CSMD1: variants seen among roughly 807,000 people sequenced by gnomAD.
The protein encoded by CSMD1 is CUB and Sushi multiple domains 1, also known as CUB and sushi domain-containing protein 1.
Under a neutral mutation model 417.5 loss-of-function variants are expected in CSMD1, and 213 were observed. The ratio of observed to expected loss-of-function variants is 0.51; its 90% CI spans 0.46 to 0.57. The LOEUF (loss-of-function observed/expected upper bound fraction) is 0.57. Ranked by LOEUF, CSMD1 falls within the 20% of genes least tolerant of loss-of-function variation. CSMD1 has a pLI of 0.00. For missense variants in CSMD1, 6,923 were observed against 4,529.7 expected (o/e 1.53, Z -15.17); for synonymous variants, 2,862 against 1,736.8 (o/e 1.65, Z -16.11).
At chr8:4,728,805 C>G (rs997510334) in intron 1 of CSMD1, among the ~76,000 whole-genome samples, 1 of 151,526 alleles carries the variant, frequency 6.6e-6, no homozygotes, top group Admixed American at 6.6e-5. Context: ...AAAACTCAAA[C>G]TCCTTTAGTT....
chr8:4,711,967 T>C (rs1808329586), intron 1 of CSMD1, among the ~76,000 whole-genome samples: 1 of 152,150 alleles, frequency 6.6e-6, no homozygotes, highest in Non-Finnish European at 1.5e-5. Flanking sequence ...GCGGTACAGT[T>C]TTAAACTCAA....
intron 34 of CSMD1, among the ~76,000 whole-genome samples, chr8:3,189,461 C>T (rs1391877573): frequency 5.3e-5 from 8 of 152,174 alleles, no homozygotes; most frequent in Admixed American, 3.3e-4. Flanking sequence ...ATCATGATTG[C>T]GCTGGAGCTT....
chr8:3,862,595 G>A (rs1005503925), intron 5 of CSMD1, among the ~76,000 whole-genome samples: 1 of 152,130 alleles, frequency 6.6e-6, no homozygotes, highest in African/African-American at 2.4e-5. Flanking sequence ...GCTAGAATTT[G>A]CTTATACATG....
At chr8:3,685,322 A>G (rs181298694) in intron 7 of CSMD1, among the ~76,000 whole-genome samples, 108 of 152,248 alleles carry the variant, frequency 7.1e-4, no homozygotes, top group African/African-American at 1.6e-3. Context: ...TTCCCCCTGT[A>G]AAAATTTTTT....
At chr8:3,458,174 A>G (rs1304540249) in intron 12 of CSMD1, among the ~76,000 whole-genome samples, 2 of 152,194 alleles carry the variant, frequency 1.3e-5, no homozygotes, top group Middle Eastern at 3.2e-3. Context: ...CTGTGAGGAT[A>G]CATGTTGGGA....
At chr8:4,359,248 C>A (rs1452081900) in intron 3 of CSMD1, among the ~76,000 whole-genome samples, 1 of 152,114 alleles carries the variant, frequency 6.6e-6, no homozygotes, top group Non-Finnish European at 1.5e-5. Flanking sequence ...TCTGAGATTA[C>A]TTCACTCTTC....
chr8:2,984,226 T>C (rs146789962), intron 54 of CSMD1, among the ~76,000 whole-genome samples: 1,623 of 152,310 alleles, frequency 0.011, 17 homozygotes, highest in Middle Eastern at 0.027. Flanking sequence ...TGTCAAATTC[T>C]GCTCACTGGG....
chr8:3,723,539 G>T (rs1022214286), intron 6 of CSMD1, among the ~76,000 whole-genome samples: 1 of 152,150 alleles, frequency 6.6e-6, no homozygotes, highest in Non-Finnish European at 1.5e-5. Context: ...ACTTAAAAAT[G>T]AACAGTCAGC....
At chr8:4,503,185 C>A (rs898650684) in intron 2 of CSMD1, among the ~76,000 whole-genome samples, 1 of 152,164 alleles carries the variant, frequency 6.6e-6, no homozygotes, top group Non-Finnish European at 1.5e-5. Context: ...TATCATCCGT[C>A]TAAGCCAGGT....
intron 26 of CSMD1, among the ~76,000 whole-genome samples, chr8:3,282,354 T>C (rs2216776): frequency 0.75 from 114,019 of 151,718 alleles, 43,224 homozygotes; most frequent in Admixed American, 0.84. Flanking sequence ...TTACTGCCAG[T>C]GCAAAACTAC....
At chr8:2,970,866 T>C (rs1266669391) in intron 57 of CSMD1, among the ~76,000 whole-genome samples, 2 of 152,256 alleles carry the variant, frequency 1.3e-5, no homozygotes, top group Non-Finnish European at 2.9e-5. Flanking sequence ...CAACATTTTT[T>C]GTAACTCCAC....
intron 1 of CSMD1, among the ~76,000 whole-genome samples, chr8:4,962,118 T>G (rs1404151036): frequency 1.3e-5 from 2 of 151,770 alleles, no homozygotes; most frequent in Non-Finnish European, 2.9e-5. Context: ...TTTGTTGTTT[T>G]TTTTTTGTAT....
chr8:3,646,235 A>G (rs1330334632), intron 7 of CSMD1, among the ~76,000 whole-genome samples: 3 of 152,184 alleles, frequency 2.0e-5, no homozygotes, highest in Admixed American at 1.3e-4. Flanking sequence ...ACATGTACAT[A>G]GAAAAAGAAA....
chr8:4,926,618 T>G (rs1806890133), intron 1 of CSMD1, among the ~76,000 whole-genome samples: 1 of 152,232 alleles, frequency 6.6e-6, no homozygotes, highest in African/African-American at 2.4e-5. Context: ...AAAAAGCATG[T>G]ATATAGTTCC....
intron 3 of CSMD1, among the ~76,000 whole-genome samples, chr8:4,206,440 GT>G (rs1799986791): frequency 6.6e-6 from 1 of 152,074 alleles, no homozygotes; most frequent in African/African-American, 2.4e-5. Context: ...GCGGTGTTTG[GT>G]TTTCTGTCCT....
At chr8:4,686,107 CTG>C (rs1806365081) in intron 1 of CSMD1, among the ~76,000 whole-genome samples, 1 of 152,146 alleles carries the variant, frequency 6.6e-6, no homozygotes, top group African/African-American at 2.4e-5. Flanking sequence ...GTTACAGAAG[CTG>C]TGTCAGAAAA....
At chr8:3,518,205 C>A (rs904165005) in intron 10 of CSMD1, among the ~76,000 whole-genome samples, 1 of 152,088 alleles carries the variant, frequency 6.6e-6, no homozygotes, top group Non-Finnish European at 1.5e-5. Context: ...CCAATGATTA[C>A]TTATTTTTTA....
chr8:3,319,886 T>C (rs180711592), intron 23 of CSMD1, among the ~76,000 whole-genome samples: 9 of 152,300 alleles, frequency 5.9e-5, no homozygotes, highest in Admixed American at 5.9e-4. Context: ...GATGGGAATA[T>C]CAAATTGATG....
At chr8:3,780,141 G>A (rs76890670) in intron 5 of CSMD1, among the ~76,000 whole-genome samples, 8 of 152,228 alleles carry the variant, frequency 5.3e-5, no homozygotes, top group South Asian at 2.1e-4. Flanking sequence ...CTGTGCCATC[G>A]GGGTGAAACA....
Sources: gnomAD v4.1 joint callset for allele counts (sites outside exome capture counted in the v4.1 genomes callset) on GRCh38, gnomAD v4.1.1 for gene constraint, MANE v1.5 for transcripts, NCBI Gene and HGNC (gene_info 2026-07-23, HGNC 2026-07-21) for gene names.